The following CUZD1 variants were observed in gnomAD, a reference collection of about 807,000 sequenced individuals.
CUZD1 encodes CUB and zona pellucida like domains 1.
CUZD1 carries 42 observed loss-of-function variants against 53.1 expected under a neutral mutation model. That is an observed-to-expected ratio of 0.79 (90% CI 0.62 to 1.02). CUZD1 has a LOEUF of 1.02. Ranked by LOEUF, CUZD1 falls within the 50% of genes least tolerant of loss-of-function variation. The pLI, the probability that CUZD1 is intolerant of heterozygous loss-of-function variation, is 0.00. For missense variants in CUZD1, 670 were observed against 715.7 expected (o/e 0.94, Z 0.73); for synonymous variants, 238 against 257.2 (o/e 0.93, Z 0.71).
Position 122,836,328 on chromosome 10 carries a change from G to A in CUZD1, c.840C>T (p.Asp280=). Residue 280 remains aspartate (D), a synonymous_variant, in exon 6 of 9, where the codon GAC becomes GAT. Coordinates refer to ENST00000392790, the MANE Select transcript of CUZD1 (RefSeq NM_022034.6). ...ATTTGCTTATAATAACTCTCATCCT[G>A]TCAGAAGAGCAAGTTAAAGATGCTG... ...INTTSLTCSS[D]RMRVIISKSY... is the part of the protein sequence containing the mutation. The A allele has an allele frequency of 1.3e-6, 2 of 1,555,816 alleles. No homozygotes were observed. The highest frequency in any genetic ancestry group is 2.4e-5 in the South Asian group (2 of 81,938).
At position 122,837,025 on chromosome 10, in the gene CUZD1, T is replaced by A. The variant is rs755366577; in HGVS notation, c.623A>T (p.Lys208Ile). 6.2e-7 allele frequency: 1 copy of A among 1,613,146 alleles called. No individual in the cohort carries two copies. The highest frequency in any genetic ancestry group is 2.2e-5 in the East Asian group (1 of 44,842). The stretch of plus-strand genomic sequence containing the variant: ...ATCATAGATGGCAAGAAAATCAAAT[T>A]TGCACTGTTTGTCTATTTCTAGGCT... ...EIFLEIDKQC[K>I]FDFLAIYDGP... Residue 208 changes from lysine to isoleucine, a missense_variant, in exon 5 of 9, where the codon AAA becomes ATA. Transcript: ENST00000392790.
chr10:122,840,665 C>T (rs891948275), intron 2 of CUZD1, among the ~76,000 whole-genome samples: 1 of 152,052 alleles, frequency 6.6e-6, no homozygotes, highest in Non-Finnish European at 1.5e-5. Flanking sequence ...TTATAAAAAG[C>T]ACTTATAAAT....
At chr10:122,843,890 G>GTT (rs1242109406) in intron 1 of CUZD1, among the ~76,000 whole-genome samples, 1 of 145,292 alleles carries the variant, frequency 6.9e-6, no homozygotes, top group African/African-American at 2.5e-5. Context: ...ATAATATACA[G>GTT]TTATATATAT....
In CUZD1 at chr10:122,836,814, T is replaced by C. The variant is rs1847258833; in HGVS notation, c.817+17A>G. 6.3e-7 allele frequency: 1 copy of C among 1,583,470 alleles called. No homozygotes were observed. Among genetic ancestry groups the C allele is most frequent in the Non-Finnish European group, 8.7e-7 (1 of 1,152,654 alleles). On this transcript the variant is annotated intron_variant, in intron 5 of 8. Coordinates refer to ENST00000392790, the MANE Select transcript of CUZD1 (RefSeq NM_022034.6). Reference sequence around the variant, plus strand: ...TCGAAGAGCTCAAAATAGCTAAGAATATAAAACATGACTTACTAGTGTTGA... The same window carrying C: ...TCGAAGAGCTCAAAATAGCTAAGAACATAAAACATGACTTACTAGTGTTGA...
Position 122,841,182 on chromosome 10 carries a change from C to T in CUZD1, c.229G>A (p.Val77Ile), listed in dbSNP as rs367768151. 1.5e-5 allele frequency: 24 copies of T among 1,612,168 alleles called. No homozygotes were observed. The highest frequency in any genetic ancestry group is 2.0e-5 in the Non-Finnish European group (23 of 1,179,154). ...NKSIRIIFSY[V>I]QLDPDGSCES... ...GAAACTAAAGCTTCTACTTACTGGA[C>T]ATAGGAAAAGATAATTCTGATGCTT... Residue 77 changes from valine to isoleucine, a missense_variant, in exon 2 of 9, where the codon GTC becomes ATC. By Grantham distance (29) the Val-to-Ile change is conservative (BLOSUM62 3). Coordinates refer to ENST00000392790, the MANE Select transcript of CUZD1 (RefSeq NM_022034.6).
At chr10:122,835,155 A>G in intron 6 of CUZD1, 58 bp from the exon 7 acceptor site, 1 of 1,327,502 alleles carries the variant, frequency 7.5e-7, no homozygotes, top group Non-Finnish European at 1.0e-6. Flanking sequence ...ATTTTAGAGC[A>G]TAGATGTGGA....
rs779077600 is a variant in CUZD1, at chr10:122,845,837, G to A, written c.7C>T (p.Leu3Phe). Residue 3 changes from leucine (L) to phenylalanine (F), a missense_variant, in exon 1 of 9, where the codon CTT (leucine) becomes TTT (phenylalanine). By Grantham distance (22) the Leu-to-Phe change is conservative. Coordinates refer to ENST00000392790, the MANE Select transcript of CUZD1 (RefSeq NM_022034.6). ME[L>F]VRRLMPLTLL... ...GTCAATGGCATGAGCCTTCTTACAA[G>A]CTCCATTTTGGCAAGGCGCTGGGCA... The A allele has an allele frequency of 6.2e-6, 10 of 1,613,704 alleles. No homozygotes were observed. The South Asian group carries it at 7.7e-5, about 12-fold the overall frequency.
chr10:122,833,886 T>G lies in CUZD1; in HGVS notation c.1437A>C (p.Arg479Ser), dbSNP rs1001343549. The G allele has an allele frequency of 6.2e-7, 1 of 1,613,868 alleles. No individual in the cohort carries two copies. Among genetic ancestry groups the G allele is most frequent in the Non-Finnish European group, 8.5e-7 (1 of 1,179,808 alleles). ...AGAATTTAAAGGCATTAAACTGGAA[T>G]CTCCCATAGTGTCCAAATAAGGGAT... ...KVYPLFGHYG[R>S]FQFNAFKFLR... The change falls in exon 8 of 9, where the codon AGA becomes AGC. Residue 479 changes from arginine to serine, a missense_variant. Transcript: ENST00000392790.
chr10:122,833,214 A>G (rs983883960), intron 8 of CUZD1, among the ~76,000 whole-genome samples: 1 of 152,170 alleles, frequency 6.6e-6, no homozygotes, highest in African/African-American at 2.4e-5. Flanking sequence ...CTTTCAAAAG[A>G]AGCAGGGTTA....
In CUZD1 at chr10:122,836,824, G is replaced by A. The variant is rs1244972695; in HGVS notation, c.817+7C>T. The A allele has an allele frequency of 5.0e-6, 8 of 1,596,214 alleles. No individual in the cohort carries two copies. The East Asian group carries it at 8.9e-5, about 18-fold the overall frequency. On this transcript the variant is annotated splice_region_variant and intron_variant, in intron 5 of 8. Transcript: ENST00000392790. ...CAAAATAGCTAAGAATATAAAACAT[G>A]ACTTACTAGTGTTGATGTTTTCTGC... is the stretch of plus-strand genomic sequence containing the variant.
intron 1 of CUZD1, among the ~76,000 whole-genome samples, chr10:122,843,791 TCATACATATATATA>T (rs1026198143): frequency 3.6e-5 from 5 of 139,312 alleles, no homozygotes; most frequent in South Asian, 2.1e-4. Flanking sequence ...CAGACTTTCT[TCATACATATATATA>T]CATACATATA....
chr10:122,840,271 G>A (rs1342945342), intron 2 of CUZD1, among the ~76,000 whole-genome samples: 1 of 152,104 alleles, frequency 6.6e-6, no homozygotes, highest in Non-Finnish European at 1.5e-5. Flanking sequence ...CTGGGCATTT[G>A]TTAGCTATGC....
rs117062933 is a variant in CUZD1 at position 122,836,912 on chromosome 10, C to T, written c.736G>A (p.Val246Met). 1.4e-3 allele frequency: 2,194 copies of T among 1,613,990 alleles called. 50 individuals are homozygous for T. The East Asian group carries it at 0.043, about 31-fold the overall frequency. ...GAATTGGCATAATCTGTAGACAACA[C>T]GACAGTCAGAGAGTTTGATGACGAT... ...FESSSNSLTV[V>M]LSTDYANSYR... The change falls in exon 5 of 9, where the codon GTG becomes ATG. Residue 246 changes from valine to methionine, a missense_variant. Val to Met is a conservative substitution (Grantham distance 21). Transcript: ENST00000392790.
chr10:122,844,450 A>G (rs1432070985), intron 1 of CUZD1, among the ~76,000 whole-genome samples: 1 of 152,176 alleles, frequency 6.6e-6, no homozygotes. Context: ...AAAATGGTGG[A>G]TTTTATGGTA....
At position 122,833,662 on chromosome 10, in the gene CUZD1, T is replaced by A. The variant is rs112720477; in HGVS notation, c.1651+10A>T. 5 of 1,611,066 alleles carry A rather than the reference T, an allele frequency of 3.1e-6. No individual in the cohort carries two copies. The highest frequency in any genetic ancestry group is 1.3e-5 in the African/African-American group (1 of 74,914). Reference sequence around the variant, plus strand: ...TGTGCTTTTGGATCATGGAATAGCTTTTTTCTTACCTGAATTGCCACTTGC... The same window carrying A: ...TGTGCTTTTGGATCATGGAATAGCTATTTTCTTACCTGAATTGCCACTTGC... On this transcript the variant is annotated intron_variant, in intron 8 of 8. Transcript: ENST00000392790.
chr10:122,832,858 T>TA (rs1847181284), intron 8 of CUZD1, among the ~76,000 whole-genome samples: 1 of 152,238 alleles, frequency 6.6e-6, no homozygotes, highest in African/African-American at 2.4e-5. Context: ...GGTATTTCCA[T>TA]AATGACTTCC....
intron 6 of CUZD1, 142 bp downstream of exon 6, chr10:122,836,036 T>C (rs1847245119): frequency 9.4e-6 from 6 of 638,108 alleles, no homozygotes; most frequent in Middle Eastern, 5.2e-4. Flanking sequence ...TGCACTTATA[T>C]GTCTTCACAT....
At chr10:122,832,497 A>C in intron 8 of CUZD1, 47 bp from the exon 9 acceptor site, 2 of 1,579,146 alleles carry the variant, frequency 1.3e-6, no homozygotes, top group Non-Finnish European at 1.7e-6. Flanking sequence ...AAGTGTTCAC[A>C]TTATAAAATG....
At chr10:122,840,608 C>T (rs756605807) in intron 2 of CUZD1, among the ~76,000 whole-genome samples, 2 of 152,058 alleles carry the variant, frequency 1.3e-5, no homozygotes, top group East Asian at 1.9e-4. Context: ...CTCTGCAGGG[C>T]GGAGTCATGT....
Sources: gnomAD v4.1 joint callset for allele counts (sites outside exome capture counted in the v4.1 genomes callset) on GRCh38, gnomAD v4.1.1 for gene constraint, MANE v1.5 for transcripts, NCBI Gene and HGNC (gene_info 2026-07-23, HGNC 2026-07-21) for gene names.